The following ZNF677 variants were observed in gnomAD, a reference collection of about 807,000 sequenced individuals.
The protein encoded by ZNF677 is zinc finger protein 677.
In ZNF677, 5 loss-of-function variants were observed where a neutral mutation model predicts 8.1. The ratio of observed to expected loss-of-function variants is 0.62; its 90% CI spans 0.32 to 1.29. The LOEUF (loss-of-function observed/expected upper bound fraction) is 1.29. Ranked by LOEUF, ZNF677 falls within the 50% of genes most tolerant of loss-of-function variation. The pLI, the probability that ZNF677 is intolerant of heterozygous loss-of-function variation, is 0.05. For missense variants in ZNF677, 685 were observed against 685.9 expected, an observed-to-expected ratio of 1.00 and a Z score of 0.01; for synonymous variants, 221 against 225.6, an observed-to-expected ratio of 0.98 and a Z score of 0.18.
At position 53,243,746 on chromosome 19, in the gene ZNF677, T is replaced by C. The variant is rs1230739784; in HGVS notation, c.167A>G (p.Asp56Gly). 3.7e-6 allele frequency: 6 copies of C among 1,614,044 alleles called. No individual in the cohort carries two copies. Among genetic ancestry groups the C allele is most frequent in the Non-Finnish European group, 4.2e-6 (5 of 1,180,044 alleles). ...SLDEDNIPPEDDISVGFTSKG... is the reference protein window; with the variant it reads ...SLDEDNIPPEGDISVGFTSKG... Reference sequence around the variant, plus strand: ...TAAAGATGTACAAGGGTGGTTACCATCTTCTGGAGGGATGTTATCCTCATC... The same window carrying C: ...TAAAGATGTACAAGGGTGGTTACCACCTTCTGGAGGGATGTTATCCTCATC... Residue 56 changes from aspartate (D) to glycine (G), a missense_variant and splice_region_variant, in exon 4 of 5, where the codon GAT becomes GGT. Transcript: ENST00000598513.
intron 4 of ZNF677, chr19:53,241,570 G>A: frequency 2.9e-6 from 1 of 346,812 alleles, no homozygotes; most frequent in Non-Finnish European, 5.2e-6. Context: ...CCTACACCTT[G>A]TACTGCTGGC....
intron 3 of ZNF677, among the ~76,000 whole-genome samples, chr19:53,251,095 A>C (rs150055143): frequency 1.7e-3 from 261 of 152,386 alleles, no homozygotes; most frequent in Middle Eastern, 3.4e-3. Flanking sequence ...AATGTATTAT[A>C]AACTCAAGCT....
rs149279490 is a variant in ZNF677 at position 53,253,742 on chromosome 19, G to A, written c.-126-586C>T. On this transcript the variant is annotated intron_variant, in intron 1 of 4. Transcript: ENST00000598513. ...AAAAGAAAGCATTTAAACCTCATAAGCTGAACAATACATTTAAGAGAAAAT... is the reference window on the plus strand; with the variant it reads ...AAAAGAAAGCATTTAAACCTCATAAACTGAACAATACATTTAAGAGAAAAT... Among the ~76,000 whole-genome samples the A allele has an allele frequency of 3.6e-3, 547 of 152,156 alleles. 1 individual carries two copies. Among genetic ancestry groups the A allele is most frequent in the African/African-American group, 0.012 (516 of 41,510 alleles).
At position 53,236,563 on chromosome 19, in the gene ZNF677, G is replaced by A. The variant is rs1327921775; in HGVS notation, c.*409C>T. On this transcript the variant is annotated 3_prime_UTR_variant, in exon 5 of 5. Transcript: ENST00000598513. Reference sequence around the variant, plus strand: ...AGCCTGAATTTTTGTATGACAAAATGCTTGCATATAAGGATGAATTTCCAT... The same window carrying A: ...AGCCTGAATTTTTGTATGACAAAATACTTGCATATAAGGATGAATTTCCAT... 1.3e-5 allele frequency: 2 copies of A among 154,610 alleles called. No individual in the cohort carries two copies. The highest frequency in any genetic ancestry group is 4.8e-5 in the African/African-American group (2 of 41,476). The allele number at this position is 154,610 out of a possible 1,614,324, so 9.6% of individuals were successfully genotyped here.
intron 4 of ZNF677, chr19:53,239,124 G>A (rs1286209941): frequency 6.6e-6 from 1 of 152,194 alleles, no homozygotes; most frequent in Admixed American, 6.5e-5. Context: ...CATGTAGAAT[G>A]TGCATTTTGC....
intron 2 of ZNF677, among the ~76,000 whole-genome samples, chr19:53,252,578 A>G (rs1052481193): frequency 6.6e-6 from 1 of 152,226 alleles, no homozygotes; most frequent in Non-Finnish European, 1.5e-5. Context: ...TTTTCCAGAA[A>G]AATATTCAAA....
intron 4 of ZNF677, chr19:53,241,789 T>G (rs985916953): frequency 2.5e-6 from 1 of 398,578 alleles, no homozygotes; most frequent in Non-Finnish European, 4.4e-6. Flanking sequence ...ACAGATTAAT[T>G]AATGTTCTCT....
In ZNF677 at chr19:53,237,321, A is replaced by C; in HGVS notation, c.1406T>G (p.Ile469Ser). ...ATGACCCCAAAGGTGTGAACGTTTG[A>C]TAAAAGCTTTATCACATTTATTACA... ...YKCNKCDKAFIKRSHLWGHQR... is the reference protein window; with the variant it reads ...YKCNKCDKAFSKRSHLWGHQR... The change falls in exon 5 of 5, where the codon ATC (isoleucine) becomes AGC (serine). Residue 469 changes from isoleucine to serine, a missense_variant. By Grantham distance (142) the Ile-to-Ser change is moderately radical. Coordinates refer to ENST00000598513, the MANE Select transcript of ZNF677 (RefSeq NM_182609.4). 1 of 1,613,592 alleles carries C rather than the reference A, an allele frequency of 6.2e-7. No individual in the cohort carries two copies. The highest frequency in any genetic ancestry group is 8.5e-7 in the Non-Finnish European group (1 of 1,179,830).
At chr19:53,251,931 C>A (rs2091240935) in intron 2 of ZNF677, among the ~76,000 whole-genome samples, 1 of 152,156 alleles carries the variant, frequency 6.6e-6, no homozygotes. Context: ...TCAGTCAATG[C>A]AGGATATAAA....
At chr19:53,242,649 T>TA (rs1397898081) in intron 4 of ZNF677, 1 of 377,500 alleles carries the variant, frequency 2.6e-6, no homozygotes, top group Non-Finnish European at 4.7e-6. Flanking sequence ...GAACCCCAGA[T>TA]ACATTTTGGG....
At chr19:53,254,727 G>C (rs1210384493) in intron 1 of ZNF677, 107 bp downstream of exon 1, 2 of 152,660 alleles carry the variant, frequency 1.3e-5, no homozygotes, top group South Asian at 2.1e-4. Flanking sequence ...AGAGGAATGA[G>C]CAGGTTCGGG....
rs935138907 is a variant in ZNF677, at chr19:53,253,161, A to G, written c.-126-5T>C. ...CCCGAGGTCATATTGTGTGGGCTGC[A>G]GTGGAAAAGGAAGAGAAGAGGTTCA... On this transcript the variant is annotated splice_polypyrimidine_tract_variant and splice_region_variant and intron_variant, in intron 1 of 4. Coordinates refer to ENST00000598513, the MANE Select transcript of ZNF677 (RefSeq NM_182609.4). 2.6e-5 allele frequency: 4 copies of G among 152,214 alleles called. No homozygotes were observed. The highest frequency in any genetic ancestry group is 1.5e-5 in the Non-Finnish European group (1 of 68,054). 9.4% of individuals were successfully genotyped at this position (152,214 alleles called of 1,614,324 possible).
Position 53,236,758 on chromosome 19 carries a change from T to A in ZNF677, c.*214A>T. On this transcript the variant is annotated 3_prime_UTR_variant, in exon 5 of 5. Transcript: ENST00000598513. ...AGGGTAAATATTTTTATAAAGCTGT[T>A]CACATTCATTATATTTGTAAGGCTT... 1 of 426,572 alleles carries A rather than the reference T, an allele frequency of 2.3e-6. No individual in the cohort carries two copies. The highest frequency in any genetic ancestry group is 4.1e-6 in the Non-Finnish European group (1 of 243,102). 26.4% of individuals were successfully genotyped at this position (426,572 alleles called of 1,614,324 possible). A position where few individuals can be genotyped will look rare whatever the true frequency, so the allele number is the denominator to read the frequency against.
intron 4 of ZNF677, 25 bp from the exon 5 acceptor site, chr19:53,238,582 G>A (rs758430712): frequency 6.6e-7 from 1 of 1,511,362 alleles, no homozygotes; most frequent in South Asian, 1.3e-5. Context: ...AAAAACCACA[G>A]GCTTTCCATC....
intron 3 of ZNF677, among the ~76,000 whole-genome samples, chr19:53,244,460 C>T (rs2091104626): frequency 6.6e-6 from 1 of 152,194 alleles, no homozygotes; most frequent in Non-Finnish European, 1.5e-5. Context: ...AGTTCAAAAA[C>T]ATTTTTATCA....
chr19:53,238,785 T>C, intron 4 of ZNF677: 1 of 362,556 alleles, frequency 2.8e-6, no homozygotes, highest in Admixed American at 4.3e-5. Context: ...TAAAACACCC[T>C]ATAGCTAAAA....
chr19:53,253,170 G>A lies in ZNF677; in HGVS notation c.-126-14C>T, dbSNP rs2091261482. ...ATATTGTGTGGGCTGCAGTGGAAAA[G>A]GAAGAGAAGAGGTTCATTTTGCTGT... On this transcript the variant is annotated splice_polypyrimidine_tract_variant and intron_variant, in intron 1 of 4. Coordinates refer to ENST00000598513, the MANE Select transcript of ZNF677 (RefSeq NM_182609.4). The A allele has an allele frequency of 6.6e-6, 1 of 152,180 alleles. No individual in the cohort carries two copies. The highest frequency in any genetic ancestry group is 1.5e-5 in the Non-Finnish European group (1 of 68,044). The allele number at this position is 152,180 out of a possible 1,614,324, so 9.4% of individuals were successfully genotyped here. A position where few individuals can be genotyped will look rare whatever the true frequency, so the allele number is the denominator to read the frequency against.
At chr19:53,238,669 G>C in intron 4 of ZNF677, 112 bp from the exon 5 acceptor site, 1 of 1,042,368 alleles carries the variant, frequency 9.6e-7, no homozygotes, top group South Asian at 1.9e-5. Context: ...ACAGAGTTAT[G>C]AAGCTTCTCA....
At position 53,246,429 on chromosome 19, in the gene ZNF677, T is replaced by C. The variant is rs148677544; in HGVS notation, c.16-2532A>G. On this transcript the variant is annotated intron_variant, in intron 3 of 4. Transcript: ENST00000598513. The stretch of plus-strand genomic sequence containing the variant: ...ACTTCCATATCTATTGCAGCTTTAT[T>C]CTTAATAGCCAAGTCATGGCTAAAT... Among the ~76,000 whole-genome samples the C allele has an allele frequency of 6.1e-3, 931 of 151,534 alleles. 4 individuals are homozygous for C. Among genetic ancestry groups the C allele is most frequent in the Non-Finnish European group, 0.01 (713 of 67,912 alleles).
Sources: gnomAD v4.1 joint callset for allele counts (sites outside exome capture counted in the v4.1 genomes callset) on GRCh38, gnomAD v4.1.1 for gene constraint, MANE v1.5 for transcripts, NCBI Gene and HGNC (gene_info 2026-07-23, HGNC 2026-07-21) for gene names.